SEMA3A: variants seen among roughly 807,000 people sequenced by gnomAD.
SEMA3A encodes semaphorin-3A.
A neutral mutation model predicts 97.9 loss-of-function variants in SEMA3A; 29 were observed. The observed-to-expected ratio is 0.30, with a 90% CI of 0.22 to 0.40. The LOEUF is 0.40. Ranked by LOEUF, SEMA3A falls within the 10% of genes least tolerant of loss-of-function variation. SEMA3A has a pLI of 1.00. For missense variants in SEMA3A, 763 were observed against 951.3 expected, an observed-to-expected ratio of 0.80 and a Z score of 2.60; for synonymous variants, 321 against 323.7, an observed-to-expected ratio of 0.99 and a Z score of 0.09.
intron 3 of SEMA3A, among the ~76,000 whole-genome samples, chr7:84,267,323 C>T (rs1165776193): frequency 6.6e-6 from 1 of 152,118 alleles, no homozygotes; most frequent in African/African-American, 2.4e-5. Context: ...TTACCCTTAT[C>T]CATCTTTCTT....
At chr7:83,970,357 T>C (rs1788865424) in intron 15 of SEMA3A, among the ~76,000 whole-genome samples, 2 of 152,174 alleles carry the variant, frequency 1.3e-5, no homozygotes, top group African/African-American at 4.8e-5. Context: ...ATGATATCCA[T>C]CATTTGACCA....
chr7:84,046,285 C>A (rs2115583115), intron 6 of SEMA3A, 39 bp downstream of exon 6: 1 of 1,604,496 alleles, frequency 6.2e-7, no homozygotes, highest in East Asian at 2.2e-5. Flanking sequence ...AATACAGTTA[C>A]ACATGTTACA....
At chr7:84,401,441 G>T (rs116739284) in intron 1 of SEMA3A, among the ~76,000 whole-genome samples, 3,937 of 148,082 alleles carry the variant, frequency 0.027, 158 homozygotes, top group African/African-American at 0.092. Flanking sequence ...GCAGTCTATA[G>T]ATTCAATGAA....
chr7:84,483,227 AC>A (rs1335231288), intron 1 of SEMA3A, among the ~76,000 whole-genome samples: 2 of 152,162 alleles, frequency 1.3e-5, no homozygotes, highest in Non-Finnish European at 2.9e-5. Flanking sequence ...TGGTAATTTG[AC>A]CTTTTGTTAA....
At chr7:84,143,320 TGAA>T (rs765361434) in intron 1 of SEMA3A, among the ~76,000 whole-genome samples, 12 of 152,196 alleles carry the variant, frequency 7.9e-5, no homozygotes, top group Non-Finnish European at 1.2e-4. Flanking sequence ...ACATATTAAA[TGAA>T]GAAGTAACAC....
intron 2 of SEMA3A, among the ~76,000 whole-genome samples, chr7:84,369,813 A>G (rs887905935): frequency 6.7e-6 from 1 of 149,776 alleles, no homozygotes; most frequent in Admixed American, 6.7e-5. Flanking sequence ...AGTAATTAGT[A>G]AATTAATATT....
intron 1 of SEMA3A, among the ~76,000 whole-genome samples, chr7:84,461,080 T>C (rs756153027): frequency 2.6e-5 from 4 of 152,172 alleles, no homozygotes; most frequent in Non-Finnish European, 5.9e-5. Context: ...TTAAAATTCA[T>C]AGGGTATAAG....
At chr7:84,422,878 A>G (rs1804638722) in intron 1 of SEMA3A, among the ~76,000 whole-genome samples, 1 of 152,046 alleles carries the variant, frequency 6.6e-6, no homozygotes, top group Non-Finnish European at 1.5e-5. Flanking sequence ...TATAGGGACC[A>G]AAGAAATGTA....
chr7:84,192,409 C>T, intron 1 of SEMA3A, among the ~76,000 whole-genome samples: 1 of 151,844 alleles, frequency 6.6e-6, no homozygotes, highest in Admixed American at 6.6e-5. Flanking sequence ...GTTTATTTTA[C>T]CAAATTATTA....
chr7:84,134,782 G>A lies in SEMA3A; in HGVS notation c.270+12C>T. On this transcript the variant is annotated intron_variant, in intron 2 of 16. Coordinates refer to ENST00000265362, the MANE Select transcript of SEMA3A (RefSeq NM_006080.3). ...CAAAATAACTATAGTGCATATATTA[G>A]AATACTGATACCTTTTGAAAATCCT... is the stretch of plus-strand genomic sequence containing the variant. The A allele has an allele frequency of 6.3e-7, 1 of 1,590,144 alleles. No homozygotes were observed. Among genetic ancestry groups the A allele is most frequent in the Non-Finnish European group, 8.6e-7 (1 of 1,163,194 alleles).
chr7:84,433,594 G>C (rs1046753987), intron 1 of SEMA3A, among the ~76,000 whole-genome samples: 3 of 152,126 alleles, frequency 2.0e-5, no homozygotes, highest in African/African-American at 4.8e-5. Flanking sequence ...TATATACCCA[G>C]TAATGGTATT....
At position 84,324,287 on chromosome 7, in the gene SEMA3A, A is replaced by G. The variant is rs117999861; in HGVS notation, c.-168-16995T>C. 9.7e-3 allele frequency among the ~76,000 whole-genome samples: 1,470 copies of G among 152,320 alleles called. 10 individuals are homozygous for G. The highest frequency in any genetic ancestry group is 0.034 in the Middle Eastern group (10 of 294). On this transcript the variant is annotated intron_variant, in intron 2 of 3. Transcript: ENST00000424555. ...AAACTCTATAGGACCAGAGTAACCTATTGGAGCTTCCATTCAAATCTTGTT... is the reference window on the plus strand; with the variant it reads ...AAACTCTATAGGACCAGAGTAACCTGTTGGAGCTTCCATTCAAATCTTGTT...
Position 84,389,409 on chromosome 7 carries a change from G to T in SEMA3A, c.-245-17509C>A, listed in dbSNP as rs980466661. On this transcript the variant is annotated intron_variant, in intron 1 of 3. Coordinates refer to the SEMA3A transcript ENST00000424555. ...ATGATGCACCCTGAGAGTGCATTTG[G>T]CTTTCCTATCTATACGGCTTTTATG... 2.6e-5 allele frequency among the ~76,000 whole-genome samples: 4 copies of T among 151,998 alleles called. No homozygotes were observed. The East Asian group carries it at 7.7e-4, about 29-fold the overall frequency.
chr7:84,095,364 T>C (rs1030342138), intron 4 of SEMA3A, among the ~76,000 whole-genome samples: 2,317 of 48,214 alleles, frequency 0.048, 70 homozygotes, highest in Admixed American at 0.1. Flanking sequence ...TATACATATA[T>C]ATATATATAT....
At chr7:83,972,207 T>C (rs1324083332) in intron 15 of SEMA3A, among the ~76,000 whole-genome samples, 1 of 151,960 alleles carries the variant, frequency 6.6e-6, no homozygotes, top group Non-Finnish European at 1.5e-5. Flanking sequence ...TCAGAGATGA[T>C]TAATTTGAAA....
intron 2 of SEMA3A, among the ~76,000 whole-genome samples, chr7:84,353,162 T>C (rs1049955956): frequency 6.6e-6 from 1 of 151,776 alleles, no homozygotes; most frequent in Non-Finnish European, 1.5e-5. Context: ...TATCATATTG[T>C]TTAGAAAATA....
At chr7:84,362,260 C>A (rs1009406334) in intron 2 of SEMA3A, among the ~76,000 whole-genome samples, 1 of 151,890 alleles carries the variant, frequency 6.6e-6, no homozygotes, top group African/African-American at 2.4e-5. Context: ...CTTAATTTCT[C>A]CCAGATTCAG....
At chr7:84,413,049 C>A (rs1363036656) in intron 1 of SEMA3A, among the ~76,000 whole-genome samples, 2 of 152,084 alleles carry the variant, frequency 1.3e-5, no homozygotes, top group Admixed American at 1.3e-4. Flanking sequence ...CACCTTTCAT[C>A]AACAAATGCA....
chr7:84,091,838 G>A (rs1794614106), intron 4 of SEMA3A, among the ~76,000 whole-genome samples: 1 of 152,072 alleles, frequency 6.6e-6, no homozygotes, highest in African/African-American at 2.4e-5. Context: ...TTTCTAACCT[G>A]CAAAGCACAG....
Sources: allele counts gnomAD v4.1 joint callset (sites outside exome capture counted in the v4.1 genomes callset), GRCh38; gene constraint gnomAD v4.1.1; transcripts MANE v1.5; gene names NCBI Gene and HGNC (gene_info 2026-07-23, HGNC 2026-07-21).